KTN1: variants seen among roughly 807,000 people sequenced by gnomAD.
KTN1 encodes kinectin.
Under a neutral mutation model 222.5 loss-of-function variants are expected in KTN1, and 130 were observed. The ratio of observed to expected loss-of-function variants is 0.58; its 90% CI spans 0.51 to 0.68. The LOEUF (loss-of-function observed/expected upper bound fraction) is 0.68. Ranked by LOEUF, KTN1 falls within the 30% of genes least tolerant of loss-of-function variation. The probability of loss-of-function intolerance (pLI) is 0.00; values close to 1 mark genes in which losing one functional copy is unlikely to be tolerated. For synonymous variants in KTN1, 512 were observed against 496.3 expected, an observed-to-expected ratio of 1.03 and a Z score of -0.42; for missense variants, 1,508 against 1,500.4, an observed-to-expected ratio of 1.01 and a Z score of -0.08.
intron 18 of KTN1, among the ~76,000 whole-genome samples, chr14:55,646,656 T>G (rs535962953): frequency 6.6e-6 from 1 of 151,792 alleles, no homozygotes; most frequent in Admixed American, 6.6e-5. Flanking sequence ...TTTGAAGAAT[T>G]GAATTAATGT....
Position 55,675,903 on chromosome 14 carries a change from T to C in KTN1, c.3840T>C (p.Ala1280=), listed in dbSNP as rs1263626739. The change falls in exon 41 of 44, where the codon GCT becomes GCC. Residue 1280 remains alanine, a synonymous_variant. Transcript: ENST00000395314. The part of the protein sequence containing the change: ...RTEQNERQKV[A]GDLHKAQQSL... ...AACAAAATGAAAGACAGAAGGTAGC[T>C]GGTGATTTGCATAAGGTAGGCACTG... The C allele has an allele frequency of 6.2e-7, 1 of 1,612,734 alleles. No homozygotes were observed.
rs1459192563 is a variant in KTN1, at chr14:55,619,228, T to G, written c.879T>G (p.Thr293=). The change falls in exon 5 of 44, where the codon ACT becomes ACG. Residue 293 remains threonine, a synonymous_variant. Coordinates refer to ENST00000395314, the MANE Select transcript of KTN1 (RefSeq NM_001079521.2). ...KFKDFLLSLK[T]MMFSEDEALC... ...AAGATTTTCTTCTGTCCTTGAAGAC[T>G]ATGATGTTTTCTGAAGATGAGGCTC... 2 of 1,608,318 alleles carry G rather than the reference T, an allele frequency of 1.2e-6. No individual in the cohort carries two copies. The highest frequency in any genetic ancestry group is 3.3e-5 in the Admixed American group (2 of 60,012).
chr14:55,635,613 G>A (rs1289371861), intron 9 of KTN1, among the ~76,000 whole-genome samples: 1 of 152,138 alleles, frequency 6.6e-6, no homozygotes, highest in Non-Finnish European at 1.5e-5. Context: ...GACTGAGGGA[G>A]GAGCAGATTC....
Position 55,658,585 on chromosome 14 carries a change from G to A in KTN1, c.2932G>A (p.Glu978Lys), listed in dbSNP as rs752161635. The A allele has an allele frequency of 2.7e-5, 44 of 1,606,828 alleles. No individual in the cohort carries two copies. In the South Asian group the frequency reaches 4.5e-4, roughly 17 times the overall value. Residue 978 changes from glutamate (E) to lysine (K), a missense_variant, in exon 30 of 44, where the codon GAG (glutamate) becomes AAG (lysine). By Grantham distance (56) the Glu-to-Lys change is moderately conservative. Coordinates refer to ENST00000395314, the MANE Select transcript of KTN1 (RefSeq NM_001079521.2). ...AAACAAATTGTTTAAGTCCCAAATTGAGCAGCTTAAACAACAAAACTACCA... is the reference window on the plus strand; with the variant it reads ...AAACAAATTGTTTAAGTCCCAAATTAAGCAGCTTAAACAACAAAACTACCA... The part of the protein sequence containing the change: ...DENKLFKSQI[E>K]QLKQQNYQQA...
At chr14:55,645,962 G>C (rs376172768) in intron 18 of KTN1, among the ~76,000 whole-genome samples, 2 of 152,282 alleles carry the variant, frequency 1.3e-5, no homozygotes, top group African/African-American at 2.4e-5. Flanking sequence ...TAAGAAACTA[G>C]CAAGATTGGG....
At chr14:55,651,756 C>T (rs2042948068) in intron 24 of KTN1, 134 bp from the exon 25 acceptor site, 8 of 610,612 alleles carry the variant, frequency 1.3e-5, no homozygotes, top group Non-Finnish European at 2.3e-5. Context: ...AAACTCAAAA[C>T]ACATCTCATT....
chr14:55,612,498 A>G lies in KTN1; in HGVS notation c.450A>G (p.Lys150=). 6.2e-7 allele frequency: 1 copy of G among 1,614,002 alleles called. No homozygotes were observed. Among genetic ancestry groups the G allele is most frequent in the Non-Finnish European group, 8.5e-7 (1 of 1,179,990 alleles). Residue 150 remains lysine, a synonymous_variant, in exon 2 of 44, where the codon AAA becomes AAG. Transcript: ENST00000395314. Reference sequence around the variant, plus strand: ...AAGTAGAACCTGTCCCAGTTACTAAACAGCCCACCCCTCCCTCTGAAGCAG... The same window carrying G: ...AAGTAGAACCTGTCCCAGTTACTAAGCAGCCCACCCCTCCCTCTGAAGCAG... The part of the protein sequence containing the change: ...GKKVEPVPVT[K]QPTPPSEAAA...
At chr14:55,608,712 C>T (rs549272272) in intron 1 of KTN1, among the ~76,000 whole-genome samples, 3 of 151,746 alleles carry the variant, frequency 2.0e-5, no homozygotes, top group Non-Finnish European at 4.4e-5. Context: ...TCACTGCAAC[C>T]TCTGCCTCCT....
chr14:55,637,162 A>G, intron 10 of KTN1, 36 bp from the exon 11 acceptor site: 1 of 1,504,252 alleles, frequency 6.6e-7, no homozygotes, highest in Non-Finnish European at 9.0e-7. Context: ...CTAGGCAAAG[A>G]AAGAGACCTC....
At position 55,580,216 on chromosome 14, in the gene KTN1, C is replaced by A. The variant is rs564293095; in HGVS notation, c.-169C>A. 18 of 152,812 alleles carry A rather than the reference C, an allele frequency of 1.2e-4. No homozygotes were observed. In the South Asian group the frequency reaches 2.8e-3, roughly 24 times the overall value. The allele number at this position is 152,812 out of a possible 1,614,324, so 9.5% of individuals were successfully genotyped here. A position where few individuals can be genotyped will look rare whatever the true frequency, so the allele number is the denominator to read the frequency against. ...CGCCCCGCCCCGCCCCGAAGCCGCC[C>A]GTTTCCTGCCGAGCGGCGCGACGGC... On this transcript the variant is annotated 5_prime_UTR_variant, in exon 1 of 44. Coordinates refer to ENST00000395314, the MANE Select transcript of KTN1 (RefSeq NM_001079521.2).
intron 1 of KTN1, among the ~76,000 whole-genome samples, chr14:55,591,581 C>CTTTTTTTTTTTTTTT (rs71131297): frequency 3.4e-5 from 3 of 87,676 alleles, no homozygotes; most frequent in African/African-American, 4.4e-5. Context: ...TTCTCTCTTT[C>CTTTTTTTTTTTTTTT]TTTTTTTTTT....
intron 19 of KTN1, among the ~76,000 whole-genome samples, chr14:55,647,398 G>A (rs1033476790): frequency 6.6e-6 from 1 of 152,082 alleles, no homozygotes; most frequent in East Asian, 1.9e-4. Flanking sequence ...ACTTTGGGAG[G>A]CTGAGGCGGG....
chr14:55,679,798 C>G, intron 43 of KTN1, 113 bp downstream of exon 43: 1 of 1,115,138 alleles, frequency 9.0e-7, no homozygotes, highest in South Asian at 1.4e-5. Context: ...TTCTTTATCT[C>G]TCAGAACTTC....
rs1327666869 is a variant in KTN1, at chr14:55,651,917, C to T, written c.2593C>T (p.Leu865Phe). 1.9e-6 allele frequency: 3 copies of T among 1,569,342 alleles called. No homozygotes were observed. The highest frequency in any genetic ancestry group is 1.7e-6 in the Non-Finnish European group (2 of 1,145,600). Residue 865 changes from leucine (L) to phenylalanine (F), a missense_variant, in exon 25 of 44, where the codon CTT becomes TTT. Physicochemically the swap from Leu to Phe is conservative, Grantham distance 22 (BLOSUM62 0). Coordinates refer to ENST00000395314, the MANE Select transcript of KTN1 (RefSeq NM_001079521.2). ...ATCTATCACTTCCAAAGTTCAGGAG[C>T]TTCAGAACTTGTAAGTACCATTTAT... ...QLSITSKVQE[L>F]QNLLKGKEEQ...
chr14:55,598,670 G>A (rs1397514249), intron 1 of KTN1, among the ~76,000 whole-genome samples: 1 of 152,076 alleles, frequency 6.6e-6, no homozygotes, highest in Non-Finnish European at 1.5e-5. Flanking sequence ...GAATTCTGTG[G>A]CAATTAATGG....
rs868741628 is a variant in KTN1, at chr14:55,591,581, C to A, written c.-31+11227C>A. ...CTTGCATTTCTTTCTTTCTCTCTTT[C>A]TTTTTTTTTTTTTTTTTTTTTTTTG... On this transcript the variant is annotated intron_variant, in intron 1 of 43. Transcript: ENST00000395314. 4.6e-5 allele frequency among the ~76,000 whole-genome samples: 4 copies of A among 87,710 alleles called. No homozygotes were observed. In the Admixed American group the frequency reaches 4.9e-4, roughly 11 times the overall value. The allele number at this position is 87,710 out of a possible 152,430, so 57.5% of individuals were successfully genotyped here.
chr14:55,602,735 C>G (rs1171908537), intron 1 of KTN1, among the ~76,000 whole-genome samples: 2 of 152,080 alleles, frequency 1.3e-5, no homozygotes, highest in Non-Finnish European at 2.9e-5. Flanking sequence ...GTGCATGCCA[C>G]CACGTCTAGC....
At chr14:55,580,839 C>G (rs1455983172) in intron 1 of KTN1, among the ~76,000 whole-genome samples, 4 of 152,216 alleles carry the variant, frequency 2.6e-5, no homozygotes, top group Non-Finnish European at 5.9e-5. Flanking sequence ...AGCTGGGCCA[C>G]ACTTACGCCA....
chr14:55,675,884 A>G lies in KTN1; in HGVS notation c.3821A>G (p.Asn1274Ser), dbSNP rs199620320. ...ETLTKLRTEQ[N>S]ERQKVAGDLH... ...CTCACAAAACTTAGAACTGAACAAAATGAAAGACAGAAGGTAGCTGGTGAT... is the reference window on the plus strand; with the variant it reads ...CTCACAAAACTTAGAACTGAACAAAGTGAAAGACAGAAGGTAGCTGGTGAT... The change falls in exon 41 of 44, where the codon AAT becomes AGT. Residue 1274 changes from asparagine to serine, a missense_variant. By Grantham distance (46) the Asn-to-Ser change is conservative. Transcript: ENST00000395314. The G allele has an allele frequency of 2.5e-5, 40 of 1,613,572 alleles. No homozygotes were observed. The highest frequency in any genetic ancestry group is 3.4e-5 in the Non-Finnish European group (40 of 1,179,548).
Sources: allele counts gnomAD v4.1 joint callset (sites outside exome capture counted in the v4.1 genomes callset), GRCh38; gene constraint gnomAD v4.1.1; transcripts MANE v1.5; gene names NCBI Gene and HGNC (gene_info 2026-07-23, HGNC 2026-07-21).